Variants in PAMR1 observed in about 807,000 individuals in gnomAD.
The protein encoded by PAMR1 is inactive serine protease PAMR1.
In PAMR1, 88 loss-of-function variants were observed where a neutral mutation model predicts 81.8. That is an observed-to-expected ratio of 1.08 (90% CI 0.91 to 1.28). The LOEUF is 1.28. Ranked by LOEUF, PAMR1 falls within the 50% of genes most tolerant of loss-of-function variation. The probability of loss-of-function intolerance (pLI) is 0.00; values close to 1 mark genes in which losing one functional copy is unlikely to be tolerated. For missense variants in PAMR1, 935 were observed against 919.7 expected, an observed-to-expected ratio of 1.02 and a Z score of -0.21; for synonymous variants, 336 against 345.3, an observed-to-expected ratio of 0.97 and a Z score of 0.30.
chr11:35,474,284 G>T (rs192722321), intron 4 of PAMR1, among the ~76,000 whole-genome samples: 3 of 152,296 alleles, frequency 2.0e-5, no homozygotes, highest in Admixed American at 6.5e-5. Flanking sequence ...TGAAAATTAG[G>T]CCTGTGCCTT....
chr11:35,452,056 A>G, intron 6 of PAMR1: 1 of 458,006 alleles, frequency 2.2e-6, no homozygotes, highest in Non-Finnish European at 3.9e-6. Context: ...CAGACAATAG[A>G]AACACATTTA....
chr11:35,493,582 C>G (rs952717429), intron 2 of PAMR1, among the ~76,000 whole-genome samples: 2 of 152,140 alleles, frequency 1.3e-5, no homozygotes, highest in Non-Finnish European at 2.9e-5. Flanking sequence ...GACTTCTCCT[C>G]CCCATCCGCC....
chr11:35,512,616 ACTTCTTAGTTTT>A lies in PAMR1; in HGVS notation c.73+12885_73+12896del, dbSNP rs528020657. On this transcript the variant is annotated intron_variant, in intron 1 of 10. Transcript: ENST00000619888. ...CAGGTGGCCTTGGGCGAGTCACTAA[ACTTCTTAGTTTT>A]CTCGTCTGTGAAATGTGGGTAATAA... 4.0e-4 allele frequency among the ~76,000 whole-genome samples: 61 copies of A among 152,246 alleles called. 2 individuals carry two copies. In the South Asian group the frequency reaches 0.012, roughly 31 times the overall value.
At chr11:35,457,596 A>G (rs930405409) in intron 6 of PAMR1, among the ~76,000 whole-genome samples, 11 of 152,192 alleles carry the variant, frequency 7.2e-5, no homozygotes, top group African/African-American at 2.7e-4. Context: ...TAGCTCCTCA[A>G]GGAAACACCT....
intron 1 of PAMR1, among the ~76,000 whole-genome samples, chr11:35,509,645 T>C (rs1268850071): frequency 6.6e-6 from 1 of 152,228 alleles, no homozygotes; most frequent in Non-Finnish European, 1.5e-5. Flanking sequence ...ACTCCTTCAC[T>C]TTACCAGTGA....
intron 6 of PAMR1, among the ~76,000 whole-genome samples, chr11:35,455,903 G>GAA (rs67132659): frequency 3.0e-5 from 4 of 131,546 alleles, no homozygotes; most frequent in African/African-American, 8.4e-5. Context: ...ACACTTAACA[G>GAA]AAAAAAAAAA....
chr11:35,463,914 A>G (rs753787056), intron 6 of PAMR1, among the ~76,000 whole-genome samples: 2 of 152,330 alleles, frequency 1.3e-5, no homozygotes, highest in South Asian at 2.1e-4. Flanking sequence ...CCCCAGACCA[A>G]TGGAATTCCT....
At chr11:35,519,081 AT>A (rs1851222696) in intron 1 of PAMR1, among the ~76,000 whole-genome samples, 1 of 152,208 alleles carries the variant, frequency 6.6e-6, no homozygotes, top group South Asian at 2.1e-4. Flanking sequence ...AAATAAAGGC[AT>A]TTATCCAACA....
chr11:35,527,018 G>T (rs1043956955), upstream of PAMR1, among the ~76,000 whole-genome samples: 1 of 152,160 alleles, frequency 6.6e-6, no homozygotes, highest in African/African-American at 2.4e-5. Context: ...AAATGGAAGT[G>T]GAAGGGAAAA....
At position 35,471,923 on chromosome 11, in the gene PAMR1, G is replaced by T. The variant is rs1415488911; in HGVS notation, c.495-1105C>A. 4.6e-5 allele frequency among the ~76,000 whole-genome samples: 7 copies of T among 152,132 alleles called. 1 individual carries two copies. The highest frequency in any genetic ancestry group is 1.0e-4 in the Non-Finnish European group (7 of 68,030). ...CCCATAACTGCTGCCTAAAATGTTG[G>T]GAGTAGGGATATTTCTGCCACCTAC... is the stretch of plus-strand genomic sequence containing the variant. On this transcript the variant is annotated intron_variant, in intron 4 of 10. Coordinates refer to ENST00000619888, the MANE Select transcript of PAMR1 (RefSeq NM_001001991.3).
At chr11:35,495,399 A>C (rs1016615919) in intron 1 of PAMR1, among the ~76,000 whole-genome samples, 7 of 151,942 alleles carry the variant, frequency 4.6e-5, no homozygotes, top group African/African-American at 1.7e-4. Context: ...CTTTTTTTAT[A>C]TATACCTTCA....
At chr11:35,481,508 TTTTGTTTGTTTG>T (rs58551047) in intron 3 of PAMR1, among the ~76,000 whole-genome samples, 5 of 150,928 alleles carry the variant, frequency 3.3e-5, no homozygotes, top group Admixed American at 6.6e-5. Context: ...TGTCTTCTTG[TTTTGTTTGTTTG>T]TTTGTTTGTT....
chr11:35,451,767 A>C, intron 6 of PAMR1: 2 of 533,894 alleles, frequency 3.7e-6, no homozygotes, highest in South Asian at 2.6e-5. Context: ...TTAGTTCATG[A>C]GGGTGGAGCC....
At chr11:35,488,420 T>C (rs371135851) in intron 3 of PAMR1, among the ~76,000 whole-genome samples, 1 of 151,762 alleles carries the variant, frequency 6.6e-6, no homozygotes, top group Admixed American at 6.6e-5. Flanking sequence ...AGAATCTTGT[T>C]TTGTTGATCA....
intron 1 of PAMR1, among the ~76,000 whole-genome samples, chr11:35,516,011 G>C (rs1274246441): frequency 6.6e-6 from 1 of 152,196 alleles, no homozygotes; most frequent in Admixed American, 6.5e-5. Flanking sequence ...AGTACAAGAA[G>C]GAAGGGGAGG....
intron 1 of PAMR1, among the ~76,000 whole-genome samples, chr11:35,507,444 C>T (rs1850985532): frequency 6.6e-6 from 1 of 152,156 alleles, no homozygotes; most frequent in South Asian, 2.1e-4. Context: ...ATGTATTTCT[C>T]AGTTCCAAGA....
At chr11:35,465,571 C>A (rs1364737567) in intron 6 of PAMR1, among the ~76,000 whole-genome samples, 2 of 152,126 alleles carry the variant, frequency 1.3e-5, no homozygotes, top group South Asian at 2.1e-4. Flanking sequence ...TGTGACGTGT[C>A]CCCCAGTGAG....
intron 6 of PAMR1, among the ~76,000 whole-genome samples, chr11:35,462,041 T>C (rs1483406952): frequency 6.9e-6 from 1 of 144,532 alleles, no homozygotes; most frequent in African/African-American, 2.6e-5. Flanking sequence ...TGATTGCTCC[T>C]TTTTTTTTTT....
At chr11:35,475,551 T>G (rs565622437) in intron 3 of PAMR1, among the ~76,000 whole-genome samples, 14 of 152,212 alleles carry the variant, frequency 9.2e-5, no homozygotes, top group Non-Finnish European at 1.8e-4. Context: ...TTTCTAGTGT[T>G]AAGATAAGCA....
Sources: allele counts gnomAD v4.1 joint callset (sites outside exome capture counted in the v4.1 genomes callset), GRCh38; gene constraint gnomAD v4.1.1; transcripts MANE v1.5; gene names NCBI Gene and HGNC (gene_info 2026-07-23, HGNC 2026-07-21).